Variants in KCND2 observed in about 807,000 individuals in gnomAD.
KCND2 encodes A-type voltage-gated potassium channel KCND2.
In KCND2, 16 loss-of-function variants were observed where a neutral mutation model predicts 54.4. The ratio of observed to expected loss-of-function variants is 0.29; its 90% CI spans 0.20 to 0.45. The LOEUF (loss-of-function observed/expected upper bound fraction) is 0.45, where lower values mean the gene tolerates loss of function less well. KCND2 is among the 20% of genes least tolerant of loss of function. KCND2 has a pLI of 1.00. For missense variants in KCND2, 486 were observed against 824.2 expected (o/e 0.59, Z 5.02); for synonymous variants, 317 against 310.7 (o/e 1.02, Z -0.21).
At chr7:120,537,362 TC>T (rs1791925349) in intron 1 of KCND2, among the ~76,000 whole-genome samples, 1 of 152,196 alleles carries the variant, frequency 6.6e-6, no homozygotes, top group African/African-American at 2.4e-5. Flanking sequence ...TTTTGCTGTT[TC>T]ATTTCTAGAG....
chr7:120,681,857 C>G (rs554420146), intron 1 of KCND2, among the ~76,000 whole-genome samples: 84 of 151,996 alleles, frequency 5.5e-4, no homozygotes, highest in African/African-American at 1.9e-3. Context: ...TATAAAATGG[C>G]CTTTTTTCAT....
intron 1 of KCND2, among the ~76,000 whole-genome samples, chr7:120,570,564 G>A (rs147974701): frequency 1.8e-4 from 27 of 152,170 alleles, no homozygotes; most frequent in East Asian, 5.8e-4. Context: ...GATAATCTTC[G>A]TGTAATTTTT....
At chr7:120,627,877 A>C (rs115915015) in intron 1 of KCND2, among the ~76,000 whole-genome samples, 4,313 of 152,154 alleles carry the variant, frequency 0.028, 173 homozygotes, top group African/African-American at 0.09. Context: ...TATTATAAAG[A>C]GGAGAAAAAA....
chr7:120,671,110 G>C (rs978882267), intron 1 of KCND2, among the ~76,000 whole-genome samples: 3 of 151,942 alleles, frequency 2.0e-5, no homozygotes, highest in Admixed American at 1.3e-4. Context: ...AATGAGATAA[G>C]ATTCGTTTTC....
chr7:120,518,791 A>G (rs950986502), intron 1 of KCND2, among the ~76,000 whole-genome samples: 2 of 152,162 alleles, frequency 1.3e-5, no homozygotes, highest in African/African-American at 2.4e-5. Flanking sequence ...TTGTGGTTAT[A>G]TTGGATATGT....
intron 1 of KCND2, among the ~76,000 whole-genome samples, chr7:120,639,043 G>C (rs987390879): frequency 1.3e-5 from 2 of 152,014 alleles, no homozygotes; most frequent in African/African-American, 4.8e-5. Flanking sequence ...TTTATAGAAT[G>C]GTTTTCTTTG....
rs779371333 is a variant in KCND2, at chr7:120,650,734, G to A, written c.1116-82169G>A. On this transcript the variant is annotated intron_variant, in intron 1 of 5. Transcript: ENST00000331113. ...AGCTTTTCTGCTCTTTTTGTTCCCC[G>A]TTTTTGTGGTTTTATCTACCTTTGG... is the stretch of plus-strand genomic sequence containing the variant. 7.7e-5 allele frequency among the ~76,000 whole-genome samples: 11 copies of A among 143,220 alleles called. 1 individual carries two copies. Among genetic ancestry groups the A allele is most frequent in the Non-Finnish European group, 1.1e-4 (7 of 65,972 alleles). The allele number at this position is 143,220 out of a possible 152,430, so 94.0% of individuals were successfully genotyped here. A position where few individuals can be genotyped will look rare whatever the true frequency, so the allele number is the denominator to read the frequency against.
intron 1 of KCND2, among the ~76,000 whole-genome samples, chr7:120,378,738 A>G (rs1426102232): frequency 6.6e-6 from 1 of 152,006 alleles, no homozygotes; most frequent in African/African-American, 2.4e-5. Flanking sequence ...GTAATAATTC[A>G]AAAATGCCAA....
intron 1 of KCND2, among the ~76,000 whole-genome samples, chr7:120,689,843 A>G (rs1199642935): frequency 2.0e-5 from 3 of 152,190 alleles, no homozygotes; most frequent in East Asian, 1.9e-4. Context: ...TTCTCCATTA[A>G]TGAATTCCCC....
At chr7:120,713,342 G>A (rs540244357) in intron 1 of KCND2, among the ~76,000 whole-genome samples, 3 of 152,072 alleles carry the variant, frequency 2.0e-5, no homozygotes, top group African/African-American at 4.8e-5. Flanking sequence ...GTGAATATTC[G>A]TATCTCCACA....
intron 1 of KCND2, among the ~76,000 whole-genome samples, chr7:120,662,765 A>T (rs1791882110): frequency 6.6e-6 from 1 of 152,236 alleles, no homozygotes; most frequent in African/African-American, 2.4e-5. Flanking sequence ...GAAGAAAAAG[A>T]TTTAAAGCTG....
At chr7:120,557,407 G>A (rs1396933958) in intron 1 of KCND2, among the ~76,000 whole-genome samples, 2 of 152,022 alleles carry the variant, frequency 1.3e-5, no homozygotes, top group African/African-American at 4.8e-5. Context: ...GAAGAAATAA[G>A]ACCTAGTGTT....
At chr7:120,514,499 T>C (rs183166622) in intron 1 of KCND2, among the ~76,000 whole-genome samples, 64 of 152,248 alleles carry the variant, frequency 4.2e-4, no homozygotes, top group African/African-American at 1.2e-3. Flanking sequence ...AATATTATAG[T>C]AGTCAATTCT....
intron 1 of KCND2, among the ~76,000 whole-genome samples, chr7:120,675,592 T>C (rs532819269): frequency 2.0e-5 from 3 of 152,030 alleles, no homozygotes; most frequent in Non-Finnish European, 4.4e-5. Flanking sequence ...TATGCCCAAT[T>C]CTCTGGAATA....
Position 120,275,086 on chromosome 7 carries a change from G to GCGGATAC in KCND2, c.457_463dup (p.Asp155GlyfsTer65). 1 of 1,613,826 alleles carries GCGGATAC rather than the reference G, an allele frequency of 6.2e-7. No individual in the cohort carries two copies. Among genetic ancestry groups the GCGGATAC allele is most frequent in the Non-Finnish European group, 8.5e-7 (1 of 1,179,976 alleles). On this transcript the variant is annotated frameshift_variant, in exon 1 of 6. Coordinates refer to ENST00000331113, the MANE Select transcript of KCND2 (RefSeq NM_012281.3). LOFTEE classifies it high-confidence loss of function. ...GAACGCCGAGCGCCTGCAGGACGAC[G>GCGGATAC]CGGATACCGACACCGCTGGGGAGAG...
At chr7:120,387,370 C>T (rs961186799) in intron 1 of KCND2, among the ~76,000 whole-genome samples, 3 of 151,702 alleles carry the variant, frequency 2.0e-5, no homozygotes, top group Non-Finnish European at 4.4e-5. Context: ...AAAACATAGT[C>T]AAAAATATGA....
At chr7:120,578,842 G>A (rs1198579722) in intron 1 of KCND2, among the ~76,000 whole-genome samples, 1 of 152,004 alleles carries the variant, frequency 6.6e-6, no homozygotes, top group Non-Finnish European at 1.5e-5. Context: ...TCCAGCCTGA[G>A]CGACAGGGTG....
chr7:120,371,115 C>G (rs866727072), intron 1 of KCND2, among the ~76,000 whole-genome samples: 4 of 151,980 alleles, frequency 2.6e-5, no homozygotes, highest in African/African-American at 9.7e-5. Flanking sequence ...CATGCCACAC[C>G]GTACACTTCC....
chr7:120,629,440 G>C (rs6466753), intron 1 of KCND2, among the ~76,000 whole-genome samples: 33,982 of 151,948 alleles, frequency 0.22, 6,908 homozygotes, highest in African/African-American at 0.55. Flanking sequence ...GAGCCGAGAT[G>C]GTGCCACTGC....
Sources: allele counts gnomAD v4.1 joint callset (sites outside exome capture counted in the v4.1 genomes callset), GRCh38; gene constraint gnomAD v4.1.1; transcripts MANE v1.5; gene names NCBI Gene and HGNC (gene_info 2026-07-23, HGNC 2026-07-21).